Variants in TCP11L2 observed in about 807,000 individuals in gnomAD.
TCP11L2 encodes t-complex 11 like 2, also known as T-complex protein 11-like protein 2.
TCP11L2 carries 39 observed loss-of-function variants against 50.7 expected under a neutral mutation model. The ratio of observed to expected loss-of-function variants is 0.77; its 90% CI spans 0.60 to 1.01. TCP11L2 has a LOEUF of 1.01. Ranked by LOEUF, TCP11L2 falls within the 50% of genes least tolerant of loss-of-function variation. The probability of loss-of-function intolerance (pLI) is 0.00; values close to 1 mark genes in which losing one functional copy is unlikely to be tolerated. For missense variants in TCP11L2, 612 were observed against 614.7 expected (o/e 1.00, Z 0.05); for synonymous variants, 192 against 219.3 (o/e 0.88, Z 1.10).
At chr12:106,339,907 A>G (rs1175957207) in intron 8 of TCP11L2, among the ~76,000 whole-genome samples, 1 of 152,266 alleles carries the variant, frequency 6.6e-6, no homozygotes, top group Admixed American at 6.5e-5. Context: ...GTTAATGATG[A>G]TAAACATGAT....
At chr12:106,325,954 G>T (rs568847397) in intron 6 of TCP11L2, 1 of 149,834 alleles carries the variant, frequency 6.7e-6, no homozygotes, top group Non-Finnish European at 1.5e-5. Context: ...GGAAAAATAG[G>T]ATTAGAAGAA....
Position 106,340,859 on chromosome 12 carries a change from T to C in TCP11L2, c.1176T>C (p.Ile392=), listed in dbSNP as rs746495238. 1.9e-6 allele frequency: 3 copies of C among 1,606,962 alleles called. No homozygotes were observed. The highest frequency in any genetic ancestry group is 2.5e-6 in the Non-Finnish European group (3 of 1,178,140). Reference sequence around the variant, plus strand: ...ACTTGAAGGAAGTCCTGAATTCTATTGGTATTCAGACTTGTGTTGAGGTTA... The same window carrying C: ...ACTTGAAGGAAGTCCTGAATTCTATCGGTATTCAGACTTGTGTTGAGGTTA... ...TFNLKEVLNS[I]GIQTCVEVNK... The change falls in exon 9 of 10, where the codon ATT becomes ATC. Residue 392 remains isoleucine, a synonymous_variant. Coordinates refer to ENST00000299045, the MANE Select transcript of TCP11L2 (RefSeq NM_152772.3).
chr12:106,346,644 C>G lies in TCP11L2; in HGVS notation c.*114C>G. 1 of 1,338,814 alleles carries G rather than the reference C, an allele frequency of 7.5e-7. No homozygotes were observed. Among genetic ancestry groups the G allele is most frequent in the Non-Finnish European group, 1.0e-6 (1 of 996,786 alleles). 82.9% of individuals were successfully genotyped at this position (1,338,814 alleles called of 1,614,324 possible). A position where few individuals can be genotyped will look rare whatever the true frequency, so the allele number is the denominator to read the frequency against. On this transcript the variant is annotated 3_prime_UTR_variant, in exon 10 of 10. Transcript: ENST00000299045. ...TCTCAGTACTGTGGTGCAGTATTAG[C>G]CCAAATCTGTGTAATGGGTAATATT... is the stretch of plus-strand genomic sequence containing the variant.
upstream of TCP11L2, among the ~76,000 whole-genome samples, chr12:106,302,311 GCCCCCGCTC>G (rs532038025): frequency 0.15 from 11,394 of 76,034 alleles, 1,570 homozygotes; most frequent in Middle Eastern, 0.17. Flanking sequence ...GCCCCGCTCA[GCCCCCGCTC>G]CCCCCGCTCA....
At chr12:106,344,250 G>A (rs576078386) in intron 9 of TCP11L2, among the ~76,000 whole-genome samples, 3 of 152,092 alleles carry the variant, frequency 2.0e-5, no homozygotes, top group Admixed American at 1.3e-4. Context: ...TTTTCAGTTC[G>A]TTATTTATCT....
At chr12:106,314,706 T>TA (rs1414882990) in intron 3 of TCP11L2, among the ~76,000 whole-genome samples, 5 of 151,970 alleles carry the variant, frequency 3.3e-5, no homozygotes, top group Non-Finnish European at 7.4e-5. Flanking sequence ...ATACTTGTTT[T>TA]AAAAAAATTC....
chr12:106,302,086 G>A (rs2034432224), upstream of TCP11L2: 1 of 152,492 alleles, frequency 6.6e-6, no homozygotes, highest in African/African-American at 2.4e-5. Context: ...CCCACCAGCA[G>A]CGTTGTTGGT....
chr12:106,346,409 A>T lies in TCP11L2; in HGVS notation c.1439A>T (p.Tyr480Phe). The T allele has an allele frequency of 6.2e-7, 1 of 1,614,238 alleles. No individual in the cohort carries two copies. Among genetic ancestry groups the T allele is most frequent in the Non-Finnish European group, 8.5e-7 (1 of 1,180,038 alleles). ...QQELEALGSQ[Y>F]ANIVNLNKQV... ...GAGCTAGAAGCCCTAGGCTCTCAAT[A>T]TGCAAACATTGTGAATCTCAACAAA... is the stretch of plus-strand genomic sequence containing the variant. The change falls in exon 10 of 10, where the codon TAT becomes TTT. Residue 480 changes from tyrosine (Y) to phenylalanine (F), a missense_variant. Tyr to Phe is a conservative substitution (Grantham distance 22). Transcript: ENST00000299045.
chr12:106,345,856 G>A (rs1224358407), intron 9 of TCP11L2, among the ~76,000 whole-genome samples: 1 of 152,182 alleles, frequency 6.6e-6, no homozygotes, highest in African/African-American at 2.4e-5. Flanking sequence ...TTTCTCAGGT[G>A]TTTGAATGCT....
chr12:106,312,322 C>G, intron 2 of TCP11L2: 1 of 824,586 alleles, frequency 1.2e-6, no homozygotes, highest in Non-Finnish European at 1.7e-6. Context: ...TGCATGAAGC[C>G]TTTCTGGAAA....
At chr12:106,304,024 A>G (rs17217845) in intron 1 of TCP11L2, 28,592 of 152,242 alleles carry the variant, frequency 0.19, 3,068 homozygotes, top group Non-Finnish European at 0.25. Flanking sequence ...GCCAACGGAT[A>G]ATGAGTTAAT....
At chr12:106,338,274 G>T (rs2035984703) in intron 8 of TCP11L2, among the ~76,000 whole-genome samples, 1 of 152,212 alleles carries the variant, frequency 6.6e-6, no homozygotes, top group Non-Finnish European at 1.5e-5. Flanking sequence ...TCATCACCCA[G>T]GTAGTGAGCA....
At chr12:106,300,928 C>T (rs1592913852), upstream of TCP11L2, among the ~76,000 whole-genome samples, 1 of 152,322 alleles carries the variant, frequency 6.6e-6, no homozygotes, top group Non-Finnish European at 1.5e-5. Context: ...CCTGCTCCAA[C>T]TTATGTCATA....
upstream of TCP11L2, among the ~76,000 whole-genome samples, chr12:106,300,017 G>A (rs1378480251): frequency 1.3e-5 from 2 of 151,942 alleles, no homozygotes; most frequent in African/African-American, 2.4e-5. Flanking sequence ...TTAGTCTACC[G>A]TGTAATTTAC....
chr12:106,324,856 G>A (rs1413009552), intron 6 of TCP11L2: 1 of 152,162 alleles, frequency 6.6e-6, no homozygotes, highest in Non-Finnish European at 1.5e-5. Context: ...AAAGAAGGTT[G>A]GGAGATGACA....
At chr12:106,298,629 C>A (rs1449478404), upstream of TCP11L2, among the ~76,000 whole-genome samples, 1 of 152,138 alleles carries the variant, frequency 6.6e-6, no homozygotes. Flanking sequence ...TCAAGCAATT[C>A]TCCTGCCTCA....
chr12:106,320,022 T>C (rs772347481), intron 4 of TCP11L2, among the ~76,000 whole-genome samples: 4 of 152,264 alleles, frequency 2.6e-5, no homozygotes, highest in Non-Finnish European at 4.4e-5. Flanking sequence ...CCTGAACTTT[T>C]ACCTGTAGAC....
chr12:106,302,323 C>CCCGCTCAGCCG (rs71072666), upstream of TCP11L2, among the ~76,000 whole-genome samples: 102 of 112,006 alleles, frequency 9.1e-4, 4 homozygotes, highest in Admixed American at 2.1e-3. Flanking sequence ...CCCCGCTCCC[C>CCCGCTCAGCCG]CCGCTCAGCC....
chr12:106,303,901 T>C (rs549416765), intron 1 of TCP11L2: 1 of 152,344 alleles, frequency 6.6e-6, no homozygotes, highest in East Asian at 1.9e-4. Flanking sequence ...AAATCTTAGA[T>C]GGTTGTCCTG....
Sources: allele counts gnomAD v4.1 joint callset (sites outside exome capture counted in the v4.1 genomes callset), GRCh38; gene constraint gnomAD v4.1.1; transcripts MANE v1.5; gene names NCBI Gene and HGNC (gene_info 2026-07-23, HGNC 2026-07-21).